The following DRG1 variants were observed in gnomAD, a reference collection of about 807,000 sequenced individuals.
DRG1 encodes developmentally-regulated GTP-binding protein 1.
In DRG1, 19 loss-of-function variants were observed where a neutral mutation model predicts 38.8. That is an observed-to-expected ratio of 0.49 (90% CI 0.34 to 0.72). DRG1 has a LOEUF of 0.72. DRG1 is among the 30% of genes least tolerant of loss of function. The pLI, the probability that DRG1 is intolerant of heterozygous loss-of-function variation, is 0.01. For synonymous variants in DRG1, 167 were observed against 157.5 expected (o/e 1.06, Z -0.45); for missense variants, 299 against 444.8 (o/e 0.67, Z 2.95).
chr22:31,431,297 G>A (rs1479627791), intron 8 of DRG1, among the ~76,000 whole-genome samples: 1 of 151,934 alleles, frequency 6.6e-6, no homozygotes, highest in Non-Finnish European at 1.5e-5. Context: ...GCCCCCCAAA[G>A]TGTTGGGATT....
intron 8 of DRG1, among the ~76,000 whole-genome samples, chr22:31,433,271 G>GTTTTTTTT (rs2050151207): frequency 7.7e-6 from 1 of 130,546 alleles, no homozygotes; most frequent in Non-Finnish European, 1.6e-5. Context: ...ATTAAAGACG[G>GTTTTTTTT]ATTTTTTTTT....
chr22:31,402,484 A>C (rs2049968129), intron 2 of DRG1, among the ~76,000 whole-genome samples: 1 of 149,124 alleles, frequency 6.7e-6, no homozygotes, highest in South Asian at 2.1e-4. Flanking sequence ...ATCATTTTTC[A>C]TACATATATT....
intron 3 of DRG1, among the ~76,000 whole-genome samples, chr22:31,409,947 A>G (rs1282441046): frequency 6.6e-6 from 1 of 152,084 alleles, no homozygotes; most frequent in Non-Finnish European, 1.5e-5. Context: ...GTGAGCCGAG[A>G]TCACGCCACT....
chr22:31,419,774 T>A (rs1014108880), intron 4 of DRG1, among the ~76,000 whole-genome samples: 2 of 152,164 alleles, frequency 1.3e-5, no homozygotes, highest in African/African-American at 4.8e-5. Context: ...GTGGGCGCAG[T>A]GGCTCATGCC....
intron 8 of DRG1, among the ~76,000 whole-genome samples, chr22:31,432,913 T>TGGCC (rs1251803318): frequency 6.6e-6 from 1 of 151,988 alleles, no homozygotes; most frequent in Non-Finnish European, 1.5e-5. Context: ...AACAACAATA[T>TGGCC]GGCCACCTTT....
intron 8 of DRG1, among the ~76,000 whole-genome samples, chr22:31,430,426 G>A (rs1020438731): frequency 6.7e-6 from 1 of 148,562 alleles, no homozygotes; most frequent in African/African-American, 2.5e-5. Flanking sequence ...TTGAGATGGA[G>A]TCTCGCTCTG....
At chr22:31,421,901 G>A (rs1432901951) in intron 5 of DRG1, among the ~76,000 whole-genome samples, 1 of 152,024 alleles carries the variant, frequency 6.6e-6, no homozygotes, top group African/African-American at 2.4e-5. Context: ...CGGATCACAA[G>A]GTCAAGAGAT....
At chr22:31,404,916 C>T (rs2049981214) in intron 3 of DRG1, among the ~76,000 whole-genome samples, 1 of 152,122 alleles carries the variant, frequency 6.6e-6, no homozygotes, top group South Asian at 2.1e-4. Context: ...AGCCACTGCA[C>T]CAGGCCCCAT....
intron 3 of DRG1, among the ~76,000 whole-genome samples, chr22:31,408,927 T>G (rs2050004162): frequency 6.6e-6 from 1 of 152,102 alleles, no homozygotes; most frequent in African/African-American, 2.4e-5. Context: ...GTCAAATTAA[T>G]AGTTTATAAT....
chr22:31,410,728 TC>T (rs2050013756), intron 3 of DRG1, among the ~76,000 whole-genome samples: 1 of 151,478 alleles, frequency 6.6e-6, no homozygotes, highest in South Asian at 2.1e-4. Flanking sequence ...GGCAGGAGAA[TC>T]CCTTGAACCC....
At chr22:31,400,493 T>C (rs2049954911) in intron 1 of DRG1, 127 bp from the exon 2 acceptor site, 1 of 1,220,392 alleles carries the variant, frequency 8.2e-7, no homozygotes, top group Non-Finnish European at 1.1e-6. Flanking sequence ...TAATGGACTT[T>C]TACTCTTTTA....
At chr22:31,431,358 A>T (rs1233217324) in intron 8 of DRG1, among the ~76,000 whole-genome samples, 2 of 152,088 alleles carry the variant, frequency 1.3e-5, no homozygotes, top group African/African-American at 4.8e-5. Flanking sequence ...AATAGGAAAA[A>T]GGGTTAAAAA....
intron 4 of DRG1, among the ~76,000 whole-genome samples, chr22:31,412,971 G>A (rs1326549131): frequency 1.3e-5 from 2 of 151,802 alleles, no homozygotes; most frequent in African/African-American, 4.8e-5. Flanking sequence ...TCAGCATGAT[G>A]ACTCATATCT....
chr22:31,429,373 C>G (rs1172834357), intron 8 of DRG1, among the ~76,000 whole-genome samples: 1 of 152,160 alleles, frequency 6.6e-6, no homozygotes, highest in Non-Finnish European at 1.5e-5. Flanking sequence ...CTGCCTCGGC[C>G]TCCCAAAGTG....
intron 4 of DRG1, 30 bp downstream of exon 4, chr22:31,411,111 A>T (rs554460015): frequency 1.2e-6 from 2 of 1,609,738 alleles, no homozygotes; most frequent in East Asian, 4.5e-5. Context: ...CCATCCTGGG[A>T]TATCATTCCC....
intron 3 of DRG1, among the ~76,000 whole-genome samples, chr22:31,409,979 A>G (rs185078804): frequency 1.6e-4 from 24 of 152,122 alleles, no homozygotes; most frequent in Admixed American, 7.2e-4. Context: ...TGGGTGGCAG[A>G]GTGAGACTCC....
chr22:31,431,372 A>C, intron 8 of DRG1, among the ~76,000 whole-genome samples: 1 of 152,132 alleles, frequency 6.6e-6, no homozygotes. Flanking sequence ...TTAAAAACAA[A>C]AGAAGAAAAT....
At chr22:31,425,218 C>T (rs1287023646) in intron 6 of DRG1, among the ~76,000 whole-genome samples, 1 of 152,030 alleles carries the variant, frequency 6.6e-6, no homozygotes, top group East Asian at 1.9e-4. Flanking sequence ...ACAGCCTCTT[C>T]CTATGAAATT....
rs760246786 is a variant in DRG1 at position 31,399,675 on chromosome 22, C to T, written c.-9C>T. 1 of 1,613,956 alleles carries T rather than the reference C, an allele frequency of 6.2e-7. No homozygotes were observed. ...GAGACAGTGTGGAGGCCACAGGGTA[C>T]TCGCCACGATGAGCAGCACCTTAGC... On this transcript the variant is annotated 5_prime_UTR_variant, in exon 1 of 9. Transcript: ENST00000331457.
Sources: allele counts gnomAD v4.1 joint callset (sites outside exome capture counted in the v4.1 genomes callset), GRCh38; gene constraint gnomAD v4.1.1; transcripts MANE v1.5; gene names NCBI Gene and HGNC (gene_info 2026-07-23, HGNC 2026-07-21).